PCDHA5: variants seen among roughly 807,000 people sequenced by gnomAD.
The protein encoded by PCDHA5 is protocadherin alpha 5, also known as protocadherin alpha-5.
Under a neutral mutation model 61.6 loss-of-function variants are expected in PCDHA5, and 43 were observed. The ratio of observed to expected loss-of-function variants is 0.70; its 90% CI spans 0.55 to 0.90. The LOEUF is 0.90. Ranked by LOEUF, PCDHA5 falls within the 40% of genes least tolerant of loss-of-function variation. The pLI, the probability that PCDHA5 is intolerant of heterozygous loss-of-function variation, is 0.00. For synonymous variants in PCDHA5, 627 were observed against 543.9 expected (o/e 1.15, Z -2.13); for missense variants, 1,298 against 1,222.7 (o/e 1.06, Z -0.92).
chr5:140,849,893 G>A, intron 1 of PCDHA5: 1 of 1,598,550 alleles, frequency 6.3e-7, no homozygotes, highest in Non-Finnish European at 8.6e-7. Context: ...TCGTGAAGGA[G>A]AACAACCCGC....
At chr5:140,863,444 G>T in intron 1 of PCDHA5, 4 of 585,532 alleles carry the variant, frequency 6.8e-6, no homozygotes, top group South Asian at 1.4e-5. Flanking sequence ...GGTCTTACTC[G>T]CAGCAAAGGA....
At chr5:141,000,391 CTCTCTA>C (rs1434799221) in intron 3 of PCDHA5, among the ~76,000 whole-genome samples, 1,083 of 55,870 alleles carry the variant, frequency 0.019, 5 homozygotes, top group Non-Finnish European at 0.023. Context: ...CTCTCTCTCT[CTCTCTA>C]TATATATATA....
intron 1 of PCDHA5, chr5:140,882,955 C>T: frequency 6.2e-7 from 1 of 1,614,178 alleles, no homozygotes; most frequent in East Asian, 2.2e-5. Context: ...TTCAGCTGCT[C>T]ATCACGATTC....
At chr5:140,894,446 T>TA (rs2064476840) in intron 1 of PCDHA5, among the ~76,000 whole-genome samples, 2 of 152,118 alleles carry the variant, frequency 1.3e-5, no homozygotes, top group East Asian at 3.9e-4. Flanking sequence ...AGCTCTTTTT[T>TA]AAAAAATATT....
At chr5:140,967,060 G>T in intron 1 of PCDHA5, 1 of 1,612,802 alleles carries the variant, frequency 6.2e-7, no homozygotes, top group Non-Finnish European at 8.5e-7. Flanking sequence ...CGAGTGGAGC[G>T]CTCTTCGTCA....
intron 1 of PCDHA5, among the ~76,000 whole-genome samples, chr5:140,949,632 T>C (rs932981591): frequency 2.6e-5 from 4 of 151,894 alleles, no homozygotes; most frequent in Non-Finnish European, 5.9e-5. Flanking sequence ...TCATGGCATA[T>C]TGCTTTTTGT....
rs782065685 is a variant in PCDHA5, at chr5:140,870,421, G to T, written c.2352+46294G>T. 9.3e-6 allele frequency: 15 copies of T among 1,614,096 alleles called. No individual in the cohort carries two copies. The highest frequency in any genetic ancestry group is 1.3e-5 in the Non-Finnish European group (15 of 1,180,046). On this transcript the variant is annotated intron_variant, in intron 1 of 3. Coordinates refer to ENST00000529859, the MANE Select transcript of PCDHA5 (RefSeq NM_018908.3). ...GCCTTCTCTGTGGGCCACGGCCAGG[G>T]TATCCGTGGAGGTGGCCGACGTGAA...
At position 140,993,501 on chromosome 5, in the gene PCDHA5, C is replaced by CACACAT. The variant is rs1554253793; in HGVS notation, c.2500+10943_2500+10944insTACACA. Reference sequence around the variant, plus strand: ...ACACACACACACACACACACACACACACACACACGGGGAGAGAGAGACAGA... The same window carrying CACACAT: ...ACACACACACACACACACACACACACACACATACACACACGGGGAGAGAGAGACAGA... On this transcript the variant is annotated intron_variant, in intron 3 of 3. Coordinates refer to ENST00000529859, the MANE Select transcript of PCDHA5 (RefSeq NM_018908.3). Among the ~76,000 whole-genome samples the CACACAT allele has an allele frequency of 3.4e-5, 5 of 148,992 alleles. No homozygotes were observed. The East Asian group carries it at 7.8e-4, about 23-fold the overall frequency.
intron 3 of PCDHA5, chr5:140,988,966 GGA>G (rs1339632887): frequency 2.0e-5 from 3 of 152,162 alleles, no homozygotes; most frequent in African/African-American, 7.2e-5. Flanking sequence ...GCCCCACGAT[GGA>G]GAGAAGCAGG....
At position 140,876,690 on chromosome 5, in the gene PCDHA5, G is replaced by A. The variant is rs73793508; in HGVS notation, c.2352+52563G>A. The A allele has an allele frequency of 1.7e-3, 2,720 of 1,614,174 alleles. 43 individuals are homozygous for A. The African/African-American group carries it at 0.033, about 20-fold the overall frequency. ...TGTCCACCTACAAGAATTACTACTC[G>A]TTGGTGCTGGACAGCGCCCTGGACC... On this transcript the variant is annotated intron_variant, in intron 1 of 3. Transcript: ENST00000529859.
intron 3 of PCDHA5, among the ~76,000 whole-genome samples, chr5:140,995,405 T>G (rs1203404732): frequency 2.6e-5 from 4 of 152,154 alleles, no homozygotes; most frequent in African/African-American, 9.7e-5. Context: ...TGGCTCGAGA[T>G]TTCATCACAT....
At chr5:140,927,795 G>A (rs781829757) in intron 1 of PCDHA5, 39 of 1,614,144 alleles carry the variant, frequency 2.4e-5, no homozygotes, top group Non-Finnish European at 3.2e-5. Context: ...CACTAGGTCC[G>A]CCTGAAACGC....
intron 1 of PCDHA5, chr5:140,876,308 A>G: frequency 6.2e-7 from 1 of 1,614,070 alleles, no homozygotes; most frequent in Non-Finnish European, 8.5e-7. Flanking sequence ...GAAATTTCCT[A>G]TGGGATCAAA....
At chr5:140,871,089 C>T in intron 1 of PCDHA5, 1 of 1,613,254 alleles carries the variant, frequency 6.2e-7, no homozygotes, top group Non-Finnish European at 8.5e-7. Flanking sequence ...CGGCCACGGC[C>T]ACCGTGCTGG....
intron 1 of PCDHA5, among the ~76,000 whole-genome samples, chr5:140,977,477 A>G (rs919582107): frequency 4.6e-5 from 7 of 152,230 alleles, no homozygotes. Flanking sequence ...AGATAATTTT[A>G]TGCTATGTTA....
rs2150177047 is a variant in PCDHA5, at chr5:140,829,888, C to A, written c.2352+5761C>A. 3 of 1,613,910 alleles carry A rather than the reference C, an allele frequency of 1.9e-6. No homozygotes were observed. The South Asian group carries it at 3.3e-5, about 18-fold the overall frequency. On this transcript the variant is annotated intron_variant, in intron 1 of 3. Transcript: ENST00000529859. ...TGGCGAAGGTGCGCGCAGTTGACGCCGACTCAGGCTACAACGCGTGGCTTT... is the reference window on the plus strand; with the variant it reads ...TGGCGAAGGTGCGCGCAGTTGACGCAGACTCAGGCTACAACGCGTGGCTTT...
intron 2 of PCDHA5, 26 bp downstream of exon 2, chr5:140,979,033 C>G: frequency 6.2e-7 from 1 of 1,613,044 alleles, no homozygotes; most frequent in Admixed American, 1.7e-5. Flanking sequence ...CTCATTCACT[C>G]AGAAGTAACC....
chr5:140,822,433 G>A lies in PCDHA5; in HGVS notation c.658G>A (p.Glu220Lys), dbSNP rs1489857640. Residue 220 changes from glutamate to lysine, a missense_variant, in exon 1 of 4, where the codon GAA becomes AAA. By Grantham distance (56) the Glu-to-Lys change is moderately conservative. Coordinates refer to ENST00000529859, the MANE Select transcript of PCDHA5 (RefSeq NM_018908.3). ...GATTGCAACTGATGGAGGAAAACCC[G>A]AACTAACAGGTACAGTTCAGTTGTT... The part of the protein sequence containing the change: ...LVIATDGGKP[E>K]LTGTVQLLIN... 1.9e-6 allele frequency: 3 copies of A among 1,613,932 alleles called. No homozygotes were observed. Among genetic ancestry groups the A allele is most frequent in the Admixed American group, 1.7e-5 (1 of 60,020 alleles).
chr5:140,905,427 A>G lies in PCDHA5; in HGVS notation c.2353-73522A>G, dbSNP rs185931856. 5.3e-5 allele frequency among the ~76,000 whole-genome samples: 8 copies of G among 152,298 alleles called. No homozygotes were observed. The East Asian group carries it at 1.5e-3, about 29-fold the overall frequency. ...TTTATACCAGTACCATGCTGGTTTG[A>G]TAACTACAGCCTTTTAGTATAATTT... On this transcript the variant is annotated intron_variant, in intron 1 of 3. Transcript: ENST00000529859.
Sources: allele counts gnomAD v4.1 joint callset (sites outside exome capture counted in the v4.1 genomes callset), GRCh38; gene constraint gnomAD v4.1.1; transcripts MANE v1.5; gene names NCBI Gene and HGNC (gene_info 2026-07-23, HGNC 2026-07-21).